SDK2: variants seen among roughly 807,000 people sequenced by gnomAD.
The protein encoded by SDK2 is sidekick cell adhesion molecule 2.
A neutral mutation model predicts 253.9 loss-of-function variants in SDK2; 105 were observed. The observed-to-expected ratio is 0.41, with a 90% CI of 0.35 to 0.49. The LOEUF is 0.49. SDK2 is among the 20% of genes least tolerant of loss of function. The pLI, the probability that SDK2 is intolerant of heterozygous loss-of-function variation, is 0.06. For synonymous variants in SDK2, 1,249 were observed against 1,234.9 expected, an observed-to-expected ratio of 1.01 and a Z score of -0.24; for missense variants, 2,608 against 3,003.0, an observed-to-expected ratio of 0.87 and a Z score of 3.07.
intron 1 of SDK2, among the ~76,000 whole-genome samples, chr17:73,528,379 A>G (rs2064142750): frequency 1.3e-5 from 2 of 152,168 alleles, no homozygotes; most frequent in Non-Finnish European, 2.9e-5. Context: ...AGAGCTTGCA[A>G]TGTGCCAGGT....
chr17:73,568,376 C>T (rs1466958631), intron 1 of SDK2, among the ~76,000 whole-genome samples: 1 of 152,238 alleles, frequency 6.6e-6, no homozygotes, highest in East Asian at 1.9e-4. Flanking sequence ...CCTATAGAAC[C>T]GTGAGCCAAA....
chr17:73,393,973 G>A (rs577027515), intron 26 of SDK2, among the ~76,000 whole-genome samples: 14 of 152,328 alleles, frequency 9.2e-5, no homozygotes, highest in African/African-American at 2.4e-4. Context: ...GGCATCCAGC[G>A]TGGCCTCCCG....
chr17:73,405,520 AGATCGAGAATGTGG>A (rs2063069682), intron 18 of SDK2, among the ~76,000 whole-genome samples: 1 of 121,464 alleles, frequency 8.2e-6, no homozygotes, highest in African/African-American at 3.1e-5. Context: ...ATATATATAA[AGATCGAGAATGTGG>A]AAAGTACATT....
At position 73,347,862 on chromosome 17, in the gene SDK2, G is replaced by A. The variant is rs539754795; in HGVS notation, c.6165+737C>T. Among the ~76,000 whole-genome samples the A allele has an allele frequency of 3.7e-4, 57 of 152,240 alleles. 1 individual carries two copies. The highest frequency in any genetic ancestry group is 3.3e-3 in the Admixed American group (51 of 15,290). ...AAGCTCTGTGTCTTCCAGAGGCACC[G>A]ACCCCCTCTTCATATAAAAGCTGAC... On this transcript the variant is annotated intron_variant, in intron 44 of 44. Coordinates refer to ENST00000392650, the MANE Select transcript of SDK2 (RefSeq NM_001144952.2).
intron 1 of SDK2, among the ~76,000 whole-genome samples, chr17:73,565,591 T>C (rs889506242): frequency 7.1e-6 from 1 of 141,746 alleles, no homozygotes; most frequent in African/African-American, 2.9e-5. Flanking sequence ...AAAATCTTAG[T>C]AGGAAAATAA....
intron 40 of SDK2, among the ~76,000 whole-genome samples, chr17:73,354,404 G>C (rs543151988): frequency 1.3e-5 from 2 of 152,340 alleles, no homozygotes; most frequent in South Asian, 4.1e-4. Flanking sequence ...TCAGGGACGA[G>C]GCAAGCCCCT....
Position 73,398,405 on chromosome 17 carries a change from C to T in SDK2, c.3118G>A (p.Glu1040Lys), listed in dbSNP as rs1024895719. Reference sequence around the variant, plus strand: ...GAGAGCTGGTGGATCAGCAACCACTCCTCTCCCTCCCCAACCACGCCTACC... The same window carrying T: ...GAGAGCTGGTGGATCAGCAACCACTTCTCTCCCTCCCCAACCACGCCTACC... ...AQVGVVGEGE[E>K]WLLIHQLSNE... The change falls in exon 23 of 45, where the codon GAG (glutamate) becomes AAG (lysine). Residue 1040 changes from glutamate to lysine, a missense_variant. Physicochemically the swap from Glu to Lys is moderately conservative, Grantham distance 56. Around this residue, in one of 2 missense-constraint regions of SDK2, gnomAD observed 1,505 missense variants for 1,859.1 expected, o/e 0.81. Transcript: ENST00000392650. 1 of 1,613,922 alleles carries T rather than the reference C, an allele frequency of 6.2e-7. No homozygotes were observed. Among genetic ancestry groups the T allele is most frequent in the Admixed American group, 1.7e-5 (1 of 60,030 alleles).
chr17:73,377,594 G>A (rs1237695447), intron 36 of SDK2, among the ~76,000 whole-genome samples: 1 of 150,892 alleles, frequency 6.6e-6, no homozygotes, highest in Non-Finnish European at 1.5e-5. Context: ...CTCGGGGGGT[G>A]AGAGCTGCCA....
intron 2 of SDK2, among the ~76,000 whole-genome samples, chr17:73,483,180 T>C (rs1211536758): frequency 6.6e-6 from 1 of 151,758 alleles, no homozygotes; most frequent in Non-Finnish European, 1.5e-5. Flanking sequence ...GAAATTCCTC[T>C]GGGGAGCTGC....
chr17:73,404,298 G>T (rs554756381), intron 18 of SDK2, among the ~76,000 whole-genome samples: 6 of 152,318 alleles, frequency 3.9e-5, no homozygotes, highest in African/African-American at 1.4e-4. Context: ...TGGAGAGGAG[G>T]AGGCTTGGGG....
chr17:73,346,322 G>T (rs564233833), intron 44 of SDK2, among the ~76,000 whole-genome samples: 9 of 152,138 alleles, frequency 5.9e-5, no homozygotes, highest in Non-Finnish European at 1.2e-4. Context: ...GATACTGCAA[G>T]AACTGAAGAT....
chr17:73,619,775 A>C (rs930245944), intron 1 of SDK2, among the ~76,000 whole-genome samples: 14 of 152,350 alleles, frequency 9.2e-5, no homozygotes, highest in Admixed American at 7.2e-4. Flanking sequence ...CATGATCAGG[A>C]AAGTGAAAGG....
chr17:73,378,570 C>A (rs1339972219), intron 36 of SDK2, among the ~76,000 whole-genome samples: 2 of 152,010 alleles, frequency 1.3e-5, no homozygotes, highest in African/African-American at 4.8e-5. Flanking sequence ...CCGGTGCCTG[C>A]CACCATGCCC....
rs1439158096 is a variant in SDK2 at position 73,348,736 on chromosome 17, C to CG, written c.6039-12dup. ...GGCCTGGGGGGAGACCTGGAGAGAG[C>CG]GGGGGAGTGGGGCCGAGAGGTGCAC... On this transcript the variant is annotated splice_polypyrimidine_tract_variant and intron_variant, in intron 43 of 44. Transcript: ENST00000392650. The CG allele has an allele frequency of 6.2e-7, 1 of 1,601,454 alleles. No homozygotes were observed. The highest frequency in any genetic ancestry group is 1.3e-5 in the African/African-American group (1 of 74,814).
At chr17:73,427,642 C>CAAAAAAAAAAAAAAAAAAAAAAAAAAAAA (rs9302965) in intron 12 of SDK2, among the ~76,000 whole-genome samples, 1 of 105,824 alleles carries the variant, frequency 9.4e-6, no homozygotes. Context: ...CATCCACATG[C>CAAAAAAAAAAAAAAAAAAAAAAAAAAAAA]AAAAAAAAAA....
At position 73,511,680 on chromosome 17, in the gene SDK2, C is replaced by G. The variant is rs1006637654; in HGVS notation, c.65-4083G>C. 1.3e-5 allele frequency among the ~76,000 whole-genome samples: 2 copies of G among 152,120 alleles called. No individual in the cohort carries two copies. The highest frequency in any genetic ancestry group is 6.5e-5 in the Admixed American group (1 of 15,284). On this transcript the variant is annotated intron_variant, in intron 1 of 44. Transcript: ENST00000392650. The surrounding 1 kb of genome is among the most constrained non-coding windows in gnomAD (Gnocchi z 4.9). The stretch of plus-strand genomic sequence containing the variant: ...CTCCTGCGGTGAAGTCACCCCCTCC[C>G]GAAAGTCAACCTGCCCCCTGGATAC...
intron 12 of SDK2, among the ~76,000 whole-genome samples, chr17:73,425,893 T>C (rs2063277704): frequency 6.6e-6 from 1 of 152,148 alleles, no homozygotes; most frequent in Non-Finnish European, 1.5e-5. Context: ...ATAGCACTGC[T>C]GTGAGGATTG....
In SDK2 at chr17:73,368,477, G is replaced by A. The variant is rs763670503; in HGVS notation, c.5097C>T (p.Ser1699=). Residue 1699 remains serine (S), a synonymous_variant, in exon 37 of 45, where the codon AGC becomes AGT. Transcript: ENST00000392650. ...CCCCAGCGGCGTTGAAGGCGGCCAC[G>A]CTGACCATGTAGGCCGTGTAGCCAG... is the stretch of plus-strand genomic sequence containing the variant. ...NLTGYTAYMV[S]VAAFNAAGDG... The A allele has an allele frequency of 3.1e-6, 5 of 1,609,504 alleles. No individual in the cohort carries two copies. Among genetic ancestry groups the A allele is most frequent in the Admixed American group, 1.7e-5 (1 of 59,630 alleles).
At chr17:73,584,563 G>C (rs1236652844) in intron 1 of SDK2, among the ~76,000 whole-genome samples, 3 of 152,224 alleles carry the variant, frequency 2.0e-5, no homozygotes, top group African/African-American at 7.2e-5. Context: ...TCAGCCCCTA[G>C]CACGTACCCA....
Sources: gnomAD v4.1 joint callset for allele counts (sites outside exome capture counted in the v4.1 genomes callset) on GRCh38, gnomAD v4.1.1 for gene constraint, gnomAD v4.1.1 regional missense constraint, Gnocchi (gnomAD v3.1) non-coding constraint, MANE v1.5 for transcripts, NCBI Gene and HGNC (gene_info 2026-07-23, HGNC 2026-07-21) for gene names.